EYS: variants seen among roughly 807,000 people sequenced by gnomAD.
EYS encodes the protein protein eyes shut homolog.
Under a neutral mutation model 282.1 loss-of-function variants are expected in EYS, and 250 were observed. The ratio of observed to expected loss-of-function variants is 0.89; its 90% CI spans 0.80 to 0.98. The LOEUF is 0.98. Ranked by LOEUF, EYS falls within the 50% of genes least tolerant of loss-of-function variation. The pLI is 0.00. For synonymous variants in EYS, 1,355 were observed against 1,282.9 expected (o/e 1.06, Z -1.20); for missense variants, 4,016 against 3,709.0 (o/e 1.08, Z -2.15).
chr6:64,509,963 A>G (rs774530047), intron 26 of EYS, among the ~76,000 whole-genome samples: 4 of 152,162 alleles, frequency 2.6e-5, no homozygotes, highest in Non-Finnish European at 5.9e-5. Context: ...ATTGGGAATC[A>G]ATCTCTTTCA....
chr6:63,774,512 C>T (rs1770013590), intron 40 of EYS, among the ~76,000 whole-genome samples: 1 of 152,152 alleles, frequency 6.6e-6, no homozygotes, highest in African/African-American at 2.4e-5. Flanking sequence ...ATATTGTCCT[C>T]AGTCACAGGT....
At position 64,201,940 on chromosome 6, in the gene EYS, A is replaced by G. The variant is rs563405294; in HGVS notation, c.6424+28652T>C. Among the ~76,000 whole-genome samples the G allele has an allele frequency of 5.3e-5, 8 of 152,310 alleles. No homozygotes were observed. In the South Asian group the frequency reaches 8.3e-4, roughly 16 times the overall value. On this transcript the variant is annotated intron_variant, in intron 31 of 42. Coordinates refer to ENST00000503581, the MANE Select transcript of EYS (RefSeq NM_001142800.2). ...ACAACTAGGAAGTGGTATGACTGTC[A>G]TCTAAGTGAGTGCAGGTTAGTGAAC...
At chr6:65,607,677 A>G (rs7768687) in intron 2 of EYS, among the ~76,000 whole-genome samples, 68 of 152,014 alleles carry the variant, frequency 4.5e-4, no homozygotes, top group African/African-American at 1.6e-3. Flanking sequence ...TAATATGGCC[A>G]AACAAAATTT....
intron 29 of EYS, among the ~76,000 whole-genome samples, chr6:64,331,948 C>T (rs904158412): frequency 6.6e-6 from 1 of 152,172 alleles, no homozygotes; most frequent in East Asian, 1.9e-4. Context: ...CAAGATCTTA[C>T]TAAAGGACAT....
chr6:64,176,004 G>C (rs533110376), intron 31 of EYS, among the ~76,000 whole-genome samples: 1 of 152,220 alleles, frequency 6.6e-6, no homozygotes, highest in East Asian at 1.9e-4. Flanking sequence ...AGAGGATAAG[G>C]AATGTTTGGG....
chr6:65,115,046 G>A (rs1016498502), intron 12 of EYS, among the ~76,000 whole-genome samples: 2 of 151,546 alleles, frequency 1.3e-5, no homozygotes, highest in Admixed American at 6.6e-5. Flanking sequence ...CCTGTTTCTC[G>A]GCCTACTACA....
intron 13 of EYS, among the ~76,000 whole-genome samples, chr6:65,052,185 C>G (rs1773290748): frequency 6.6e-6 from 1 of 151,460 alleles, no homozygotes; most frequent in Admixed American, 6.6e-5. Flanking sequence ...GCATTTTTCA[C>G]ATACCCAACC....
intron 22 of EYS, among the ~76,000 whole-genome samples, chr6:64,644,724 G>GCTGT (rs1459300101): frequency 1.3e-5 from 2 of 152,110 alleles, no homozygotes; most frequent in African/African-American, 4.8e-5. Context: ...CAGCCTACCT[G>GCTGT]AATTGATATA....
intron 8 of EYS, among the ~76,000 whole-genome samples, chr6:65,383,810 C>T (rs578042377): frequency 6.6e-6 from 1 of 151,770 alleles, no homozygotes; most frequent in East Asian, 1.9e-4. Flanking sequence ...CATTGTGAGA[C>T]TACACCATGA....
chr6:64,281,887 T>C (rs1231597594), intron 30 of EYS, among the ~76,000 whole-genome samples: 1 of 152,104 alleles, frequency 6.6e-6, no homozygotes, highest in East Asian at 1.9e-4. Context: ...TTTTTTGCAA[T>C]AATCCTGAAC....
intron 12 of EYS, among the ~76,000 whole-genome samples, chr6:65,145,096 C>T (rs1358417705): frequency 6.6e-6 from 1 of 151,556 alleles, no homozygotes; most frequent in African/African-American, 2.4e-5. Context: ...CACACACACA[C>T]CATTCTTCAC....
In EYS at chr6:65,617,550, T is replaced by C. The variant is rs576709186; in HGVS notation, c.-333+22228A>G. On this transcript the variant is annotated intron_variant, in intron 2 of 42. Coordinates refer to ENST00000503581, the MANE Select transcript of EYS (RefSeq NM_001142800.2). ...ATATGGTATTATTTATAATATATTT[T>C]TTAAATTTATTATTATTATACTTTA... Among the ~76,000 whole-genome samples, 3 of 151,572 alleles carry C rather than the reference T, an allele frequency of 2.0e-5. No individual in the cohort carries two copies. The East Asian group carries it at 5.8e-4, about 29-fold the overall frequency.
intron 22 of EYS, among the ~76,000 whole-genome samples, chr6:64,679,132 C>T (rs537528095): frequency 2.0e-5 from 3 of 152,132 alleles, no homozygotes; most frequent in East Asian, 3.9e-4. Context: ...CAGTCTCTAC[C>T]CCAACTTCAC....
intron 35 of EYS, among the ~76,000 whole-genome samples, chr6:63,899,698 T>G (rs1411994209): frequency 6.6e-6 from 1 of 152,294 alleles, no homozygotes; most frequent in African/African-American, 2.4e-5. Context: ...TTCTTTCTCA[T>G]AGCACTGAGC....
chr6:64,605,510 A>G (rs186039974), intron 24 of EYS, among the ~76,000 whole-genome samples: 2 of 152,000 alleles, frequency 1.3e-5, no homozygotes, highest in Admixed American at 1.3e-4. Flanking sequence ...AGTGTGACTA[A>G]TATATATAGT....
chr6:65,516,876 A>C (rs2127295236), intron 2 of EYS, among the ~76,000 whole-genome samples: 1 of 152,182 alleles, frequency 6.6e-6, no homozygotes, highest in Non-Finnish European at 1.5e-5. Flanking sequence ...AGATTCTGAC[A>C]CTTCCTAGTC....
intron 30 of EYS, among the ~76,000 whole-genome samples, chr6:64,231,567 T>A (rs1052946288): frequency 3.3e-5 from 5 of 152,294 alleles, no homozygotes; most frequent in Admixed American, 1.3e-4. Flanking sequence ...TTATGCCTTG[T>A]TATTCCTCAA....
intron 5 of EYS, among the ~76,000 whole-genome samples, chr6:65,455,164 CTT>C (rs974848101): frequency 6.6e-6 from 1 of 152,066 alleles, no homozygotes; most frequent in Non-Finnish European, 1.5e-5. Context: ...TTTCTGTCCT[CTT>C]TGATTTCTTT....
At chr6:64,469,149 C>G (rs896578645) in intron 26 of EYS, among the ~76,000 whole-genome samples, 1 of 152,098 alleles carries the variant, frequency 6.6e-6, no homozygotes, top group Non-Finnish European at 1.5e-5. Flanking sequence ...TGCAACCTCG[C>G]GAGCATCTGT....
Sources: allele counts gnomAD v4.1 joint callset (sites outside exome capture counted in the v4.1 genomes callset), GRCh38; gene constraint gnomAD v4.1.1; transcripts MANE v1.5; gene names NCBI Gene and HGNC (gene_info 2026-07-23, HGNC 2026-07-21).